The following MARK2 variants were observed in gnomAD, a reference collection of about 807,000 sequenced individuals.
MARK2 encodes serine/threonine-protein kinase MARK2.
In MARK2, 16 loss-of-function variants were observed where a neutral mutation model predicts 89.8. That is an observed-to-expected ratio of 0.18 (90% CI 0.12 to 0.27). The LOEUF (loss-of-function observed/expected upper bound fraction) is 0.27. Ranked by LOEUF, MARK2 falls within the 10% of genes least tolerant of loss-of-function variation. The probability of loss-of-function intolerance (pLI) is 1.00; values close to 1 mark genes in which losing one functional copy is unlikely to be tolerated. For synonymous variants in MARK2, 382 were observed against 399.5 expected, an observed-to-expected ratio of 0.96 and a Z score of 0.52; for missense variants, 621 against 1,049.9, an observed-to-expected ratio of 0.59 and a Z score of 5.65.
At position 63,900,257 on chromosome 11, in the gene MARK2, C is replaced by A; in HGVS notation, c.768+147C>A. Reference sequence around the variant, plus strand: ...TTGCTGAGGTAGCAGCAGTCAAAGGCCTTCTGCACCTGGGAATGAATAACC... The same window carrying A: ...TTGCTGAGGTAGCAGCAGTCAAAGGACTTCTGCACCTGGGAATGAATAACC... On this transcript the variant is annotated intron_variant, in intron 8 of 18. Transcript: ENST00000402010. The surrounding 1 kb of genome is among the most constrained non-coding windows in gnomAD (Gnocchi z 4.7). 1 of 710,166 alleles carries A rather than the reference C, an allele frequency of 1.4e-6. No homozygotes were observed. The highest frequency in any genetic ancestry group is 2.5e-6 in the Non-Finnish European group (1 of 405,486). The allele number at this position is 710,166 out of a possible 1,614,324, so 44.0% of individuals were successfully genotyped here.
chr11:63,861,422 G>C (rs547513633), intron 1 of MARK2, among the ~76,000 whole-genome samples: 1 of 152,102 alleles, frequency 6.6e-6, no homozygotes, highest in South Asian at 2.1e-4. Context: ...GCGACAGAGC[G>C]AGACTCCGTC....
At chr11:63,895,100 A>G in intron 1 of MARK2, 59 bp from the exon 2 acceptor site, 1 of 1,461,548 alleles carries the variant, frequency 6.8e-7, no homozygotes, top group Non-Finnish European at 9.4e-7. Context: ...TATTTTGCAG[A>G]GAGCGTTTAG....
intron 1 of MARK2, among the ~76,000 whole-genome samples, chr11:63,862,608 C>CT (rs1937869462): frequency 6.6e-6 from 1 of 152,186 alleles, no homozygotes. Flanking sequence ...GGGCTCTACG[C>CT]AAGAGCTATG....
Position 63,889,629 on chromosome 11 carries a change from T to C in MARK2, c.55-5530T>C, listed in dbSNP as rs530667415. On this transcript the variant is annotated intron_variant, in intron 1 of 18. Transcript: ENST00000402010. ...CTGACAGGCCCAGTGGATGCAAAAC[T>C]ATCTTTTTATTTTCTCCTCCATGTC... Among the ~76,000 whole-genome samples, 5 of 152,360 alleles carry C rather than the reference T, an allele frequency of 3.3e-5. No homozygotes were observed. In the East Asian group the frequency reaches 9.7e-4, roughly 29 times the overall value.
Position 63,906,069 on chromosome 11 carries a change from T to C in MARK2, c.1935-19T>C. The stretch of plus-strand genomic sequence containing the variant: ...TTATTTCTTTTTTTATTTTGTCTTT[T>C]TTTTGTTTGTTTTTTTAGAAATCTG... On this transcript the variant is annotated intron_variant, in intron 16 of 18. Coordinates refer to ENST00000402010, the MANE Select transcript of MARK2 (RefSeq NM_001039469.3). The C allele has an allele frequency of 7.4e-7, 1 of 1,356,058 alleles. No individual in the cohort carries two copies. The highest frequency in any genetic ancestry group is 9.5e-7 in the Non-Finnish European group (1 of 1,050,764). The allele number at this position is 1,356,058 out of a possible 1,614,324, so 84.0% of individuals were successfully genotyped here.
At position 63,902,521 on chromosome 11, in the gene MARK2, C is replaced by A; in HGVS notation, c.1235-80C>A. Reference sequence around the variant, plus strand: ...GGGCTTGCTGGGTTGTTGGCCAGCCCTGTAGGAAATGAGCATGCGTGGGGC... The same window carrying A: ...GGGCTTGCTGGGTTGTTGGCCAGCCATGTAGGAAATGAGCATGCGTGGGGC... On this transcript the variant is annotated intron_variant, in intron 12 of 18. Transcript: ENST00000402010. The surrounding 1 kb of genome is among the most constrained non-coding windows in gnomAD (Gnocchi z 4.2). 1.4e-6 allele frequency: 2 copies of A among 1,465,028 alleles called. No homozygotes were observed. 90.8% of individuals were successfully genotyped at this position (1,465,028 alleles called of 1,614,324 possible). A position where few individuals can be genotyped will look rare whatever the true frequency, so the allele number is the denominator to read the frequency against.
intron 1 of MARK2, chr11:63,849,884 C>T (rs1379936436): frequency 1.3e-5 from 2 of 150,840 alleles, no homozygotes; most frequent in African/African-American, 5.0e-5. Flanking sequence ...TAGTACCCAT[C>T]TTATAGGTAT....
chr11:63,842,439 T>G (rs2016067068), intron 1 of MARK2, among the ~76,000 whole-genome samples: 1 of 152,034 alleles, frequency 6.6e-6, no homozygotes, highest in African/African-American at 2.4e-5. Context: ...ATGGTCTCAG[T>G]CTCCTGTCCT....
At chr11:63,871,189 T>G (rs1037494171) in intron 1 of MARK2, among the ~76,000 whole-genome samples, 4 of 152,218 alleles carry the variant, frequency 2.6e-5, no homozygotes, top group Non-Finnish European at 5.9e-5. Context: ...TACGAAGCCA[T>G]CACTTCCTTT....
At chr11:63,866,936 G>T (rs1458573389) in intron 1 of MARK2, among the ~76,000 whole-genome samples, 1 of 152,046 alleles carries the variant, frequency 6.6e-6, no homozygotes, top group Non-Finnish European at 1.5e-5. Context: ...TTTGTTTCTT[G>T]CCAGGCACTG....
At chr11:63,872,895 C>G (rs1430688574) in intron 1 of MARK2, among the ~76,000 whole-genome samples, 1 of 131,002 alleles carries the variant, frequency 7.6e-6, no homozygotes, top group Non-Finnish European at 1.6e-5. Context: ...CTGCCCCCAC[C>G]CCCACCCCCA....
At chr11:63,906,359 T>TTTTA (rs1941335204) in intron 17 of MARK2, among the ~76,000 whole-genome samples, 1 of 152,218 alleles carries the variant, frequency 6.6e-6, no homozygotes, top group Non-Finnish European at 1.5e-5. Context: ...ATTGGCCCAC[T>TTTTA]CAGGGCAAAT....
intron 1 of MARK2, among the ~76,000 whole-genome samples, chr11:63,885,732 G>A (rs1032069918): frequency 6.6e-6 from 1 of 152,070 alleles, no homozygotes; most frequent in Non-Finnish European, 1.5e-5. Context: ...TATTTGGGAG[G>A]CTCAGGCAGG....
At chr11:63,862,593 A>G (rs978615756) in intron 1 of MARK2, among the ~76,000 whole-genome samples, 14 of 152,142 alleles carry the variant, frequency 9.2e-5, no homozygotes, top group Non-Finnish European at 2.1e-4. Flanking sequence ...CCTCCCTACT[A>G]TTGAGGGCTC....
At chr11:63,878,359 C>CTTTT (rs59251368) in intron 1 of MARK2, among the ~76,000 whole-genome samples, 64 of 72,756 alleles carry the variant, frequency 8.8e-4, no homozygotes, top group South Asian at 1.2e-3. Context: ...TTGTTCAAGT[C>CTTTT]TTTTTTTTTT....
intron 1 of MARK2, among the ~76,000 whole-genome samples, chr11:63,875,584 G>A (rs1487537565): frequency 6.6e-6 from 1 of 152,164 alleles, no homozygotes; most frequent in Non-Finnish European, 1.5e-5. Flanking sequence ...AAAATTTCTA[G>A]TTCTGGCGTC....
At chr11:63,882,250 G>C (rs1590621647) in intron 1 of MARK2, among the ~76,000 whole-genome samples, 1 of 150,086 alleles carries the variant, frequency 6.7e-6, no homozygotes, top group Non-Finnish European at 1.5e-5. Context: ...CTTGCTCTGA[G>C]CCACCATGCC....
At position 63,910,049 on chromosome 11, in the gene MARK2, G is replaced by T. The variant is rs1365782561; in HGVS notation, c.*812G>T. ...GTGCCATCTTCTCCCACCCCTCCCG[G>T]GTAGAAGGAGGGGCTGACCCCAGGG... is the stretch of plus-strand genomic sequence containing the variant. On this transcript the variant is annotated 3_prime_UTR_variant, in exon 19 of 19. Coordinates refer to ENST00000402010, the MANE Select transcript of MARK2 (RefSeq NM_001039469.3). The T allele has an allele frequency of 6.6e-6, 1 of 152,348 alleles. No homozygotes were observed. Among genetic ancestry groups the T allele is most frequent in the African/African-American group, 2.4e-5 (1 of 41,440 alleles). 9.4% of individuals were successfully genotyped at this position (152,348 alleles called of 1,614,324 possible). A position where few individuals can be genotyped will look rare whatever the true frequency, so the allele number is the denominator to read the frequency against.
rs764507787 is a variant in MARK2 at position 63,909,043 on chromosome 11, A to G, written c.2173A>G (p.Ser725Gly). 6.2e-7 allele frequency: 1 copy of G among 1,601,520 alleles called. No homozygotes were observed. The highest frequency in any genetic ancestry group is 1.1e-5 in the South Asian group (1 of 90,854). ...RKVLDANSCQ[S>G]ELHEKYMLLC... is the part of the protein sequence containing the mutation. ...GGTGCTGGACGCGAACAGCTGCCAG[A>G]GCGAGCTGCATGAGAAGTACATGCT... Residue 725 changes from serine to glycine, a missense_variant, in exon 19 of 19, where the codon AGC becomes GGC. By Grantham distance (56) the Ser-to-Gly change is moderately conservative. Transcript: ENST00000402010.
Sources: gnomAD v4.1 joint callset for allele counts (sites outside exome capture counted in the v4.1 genomes callset) on GRCh38, gnomAD v4.1.1 for gene constraint, Gnocchi (gnomAD v3.1) non-coding constraint, MANE v1.5 for transcripts, NCBI Gene and HGNC (gene_info 2026-07-23, HGNC 2026-07-21) for gene names.